The following ANKRD30BL variants were observed in gnomAD, a reference collection of about 807,000 sequenced individuals.
The protein encoded by ANKRD30BL is ankyrin repeat domain 30B like.
ANKRD30BL carries 20 observed loss-of-function variants against 18.4 expected under a neutral mutation model. The ratio of observed to expected loss-of-function variants is 1.09; its 90% CI spans 0.77 to 1.58. ANKRD30BL has a LOEUF of 1.58. ANKRD30BL is among the 40% of genes most tolerant of loss of function. The pLI, the probability that ANKRD30BL is intolerant of heterozygous loss-of-function variation, is 0.00. For synonymous variants in ANKRD30BL, 72 were observed against 100.9 expected (o/e 0.71, Z 1.72); for missense variants, 224 against 268.6 (o/e 0.83, Z 1.16).
At chr2:132,235,659 C>G (rs1464829223) in intron 1 of ANKRD30BL, among the ~76,000 whole-genome samples, 1 of 152,062 alleles carries the variant, frequency 6.6e-6, no homozygotes, top group Non-Finnish European at 1.5e-5. Flanking sequence ...TCAAGGAGAA[C>G]TACAAACCAC....
intron 1 of ANKRD30BL, among the ~76,000 whole-genome samples, chr2:132,183,852 T>C (rs1320805241): frequency 6.6e-6 from 1 of 152,018 alleles, no homozygotes; most frequent in Non-Finnish European, 1.5e-5. Context: ...CTCCTCCACA[T>C]AGTGGTATTG....
At chr2:132,227,714 A>G (rs1334607673) in intron 1 of ANKRD30BL, among the ~76,000 whole-genome samples, 1 of 152,168 alleles carries the variant, frequency 6.6e-6, no homozygotes, top group Non-Finnish European at 1.5e-5. Context: ...GGAAAAGGAA[A>G]TATCTTCACA....
At chr2:132,184,915 G>A (rs1437698660) in intron 1 of ANKRD30BL, among the ~76,000 whole-genome samples, 1 of 151,804 alleles carries the variant, frequency 6.6e-6, no homozygotes, top group East Asian at 1.9e-4. Flanking sequence ...CCAGATCAAG[G>A]GATTTTCTTG....
chr2:132,254,306 G>A (rs1479928347), intron 1 of ANKRD30BL, among the ~76,000 whole-genome samples: 1 of 152,202 alleles, frequency 6.6e-6, no homozygotes. Flanking sequence ...AGCCAAGGAG[G>A]AAGGACATGG....
chr2:132,220,241 C>G (rs534859425), intron 1 of ANKRD30BL, among the ~76,000 whole-genome samples: 1 of 151,694 alleles, frequency 6.6e-6, no homozygotes, highest in African/African-American at 2.4e-5. Flanking sequence ...CAGTGTTGAA[C>G]CTTTCTTTTG....
intron 1 of ANKRD30BL, among the ~76,000 whole-genome samples, chr2:132,248,619 C>G (rs375683208): frequency 2.6e-5 from 4 of 151,896 alleles, no homozygotes; most frequent in African/African-American, 9.6e-5. Flanking sequence ...AAGATATTTC[C>G]TTTTTCACCA....
In ANKRD30BL at chr2:132,247,471, G is replaced by A. The variant is rs371132147; in HGVS notation, n.441+10058C>T. ...TGGGTTCAGAAATATCCTTTTGCAG[G>A]TTCTACAAAAGGATTGTTTCCAAAC... On this transcript the variant is annotated intron_variant and non_coding_transcript_variant, in intron 1 of 4. Coordinates refer to the ANKRD30BL transcript ENST00000470729. Among the ~76,000 whole-genome samples, 6 of 151,382 alleles carry A rather than the reference G, an allele frequency of 4.0e-5. No individual in the cohort carries two copies. The East Asian group carries it at 9.7e-4, about 24-fold the overall frequency.
chr2:132,253,817 C>A (rs200921649), intron 1 of ANKRD30BL, among the ~76,000 whole-genome samples: 320 of 152,100 alleles, frequency 2.1e-3, no homozygotes, highest in African/African-American at 7.2e-3. Flanking sequence ...GGGGTGGGAC[C>A]GGCATCCGGC....
intron 1 of ANKRD30BL, among the ~76,000 whole-genome samples, chr2:132,239,778 G>A (rs199603858): frequency 2.1e-4 from 32 of 150,638 alleles, no homozygotes; most frequent in African/African-American, 7.6e-4. Context: ...CATTTGGAGC[G>A]CTTTGAGGCC....
intron 3 of ANKRD30BL, chr2:132,155,181 C>A (rs1687868384): frequency 6.5e-6 from 1 of 152,898 alleles, no homozygotes. Flanking sequence ...AATTACCTTA[C>A]CAGAAGCACT....
chr2:132,233,893 A>T (rs199958851), intron 1 of ANKRD30BL, among the ~76,000 whole-genome samples: 1 of 152,028 alleles, frequency 6.6e-6, no homozygotes, highest in Non-Finnish European at 1.5e-5. Context: ...ATTTTTTTCA[A>T]CACCACACCA....
At chr2:132,246,384 G>A (rs148656084) in intron 1 of ANKRD30BL, among the ~76,000 whole-genome samples, 1 of 151,376 alleles carries the variant, frequency 6.6e-6, no homozygotes, top group Non-Finnish European at 1.5e-5. Context: ...TTCTTTTGAT[G>A]AGCAGTTTTG....
At chr2:132,188,459 A>G (rs1573825968) in intron 1 of ANKRD30BL, among the ~76,000 whole-genome samples, 1 of 152,216 alleles carries the variant, frequency 6.6e-6, no homozygotes, top group Admixed American at 6.5e-5. Flanking sequence ...GCTCACGCCT[A>G]TAATCCCAGC....
chr2:132,229,240 C>A (rs1425486779), intron 1 of ANKRD30BL, among the ~76,000 whole-genome samples: 2 of 151,586 alleles, frequency 1.3e-5, no homozygotes, highest in East Asian at 1.9e-4. Flanking sequence ...GCAAGTGGAC[C>A]TTTCGAGTGC....
At chr2:132,244,513 T>C (rs796083388) in intron 1 of ANKRD30BL, among the ~76,000 whole-genome samples, 2 of 152,296 alleles carry the variant, frequency 1.3e-5, no homozygotes, top group Non-Finnish European at 2.9e-5. Context: ...AGAGCAGTTT[T>C]GAAAAACAGT....
intron 1 of ANKRD30BL, among the ~76,000 whole-genome samples, chr2:132,204,942 AAAAT>A (rs1679180838): frequency 6.6e-6 from 1 of 152,228 alleles, no homozygotes; most frequent in Non-Finnish European, 1.5e-5. Context: ...GGAGTAAAAA[AAAAT>A]AAAGAAAATC....
At chr2:132,255,124 C>T (rs888355293) in intron 1 of ANKRD30BL, among the ~76,000 whole-genome samples, 15 of 152,340 alleles carry the variant, frequency 9.8e-5, no homozygotes, top group Admixed American at 7.2e-4. Context: ...CAGTTGGCAT[C>T]GTTTATGGTC....
chr2:132,171,809 T>G (rs1688288769), intron 1 of ANKRD30BL, among the ~76,000 whole-genome samples: 1 of 152,176 alleles, frequency 6.6e-6, no homozygotes, highest in Non-Finnish European at 1.5e-5. Flanking sequence ...TGCACAACCT[T>G]TACCACCGTT....
chr2:132,238,644 C>T (rs1184646506), intron 1 of ANKRD30BL, among the ~76,000 whole-genome samples: 5 of 152,032 alleles, frequency 3.3e-5, no homozygotes, highest in Non-Finnish European at 7.4e-5. Flanking sequence ...CAGAAGCATT[C>T]TCAGAAACAT....
Sources: allele counts gnomAD v4.1 joint callset (sites outside exome capture counted in the v4.1 genomes callset), GRCh38; gene constraint gnomAD v4.1.1; transcripts MANE v1.5; gene names NCBI Gene and HGNC (gene_info 2026-07-23, HGNC 2026-07-21).